The following SMCHD1 variants were observed in gnomAD, a reference collection of about 807,000 sequenced individuals.
SMCHD1 encodes structural maintenance of chromosomes flexible hinge domain containing 1.
A neutral mutation model predicts 254.7 loss-of-function variants in SMCHD1; 78 were observed. That is an observed-to-expected ratio of 0.31 (90% CI 0.26 to 0.37). The LOEUF is 0.37. Among genes scored for constraint, SMCHD1 ranks in the 10% least tolerant of loss-of-function variants. The pLI is 1.00. For missense variants in SMCHD1, 1,840 were observed against 2,408.1 expected (o/e 0.76, Z 4.94); for synonymous variants, 766 against 794.9 (o/e 0.96, Z 0.61).
At chr18:2,741,294 A>G (rs1056852807) in intron 28 of SMCHD1, among the ~76,000 whole-genome samples, 22 of 152,206 alleles carry the variant, frequency 1.4e-4, no homozygotes, top group Admixed American at 1.4e-3. Context: ...ACAAACAAGC[A>G]TGCTGTACTC....
At chr18:2,709,246 A>ATATATATATATATATATATGTATG (rs759808617) in intron 17 of SMCHD1, among the ~76,000 whole-genome samples, 2 of 107,450 alleles carry the variant, frequency 1.9e-5, no homozygotes, top group African/African-American at 3.0e-5. Flanking sequence ...ATATATATAT[A>ATATATATATATATATATATGTATG]TATACACACA....
Position 2,804,960 on chromosome 18 carries a change from C to T in SMCHD1, c.*2408C>T, listed in dbSNP as rs2076421013. On this transcript the variant is annotated 3_prime_UTR_variant, in exon 48 of 48. Coordinates refer to ENST00000320876, the MANE Select transcript of SMCHD1 (RefSeq NM_015295.3). ...TTCTTCTTCCAAAGGAAAATAATAG[C>T]CTACTTGTATTTTGAAGTAACTGAA... is the stretch of plus-strand genomic sequence containing the variant. The T allele has an allele frequency of 6.6e-6, 1 of 152,070 alleles. No homozygotes were observed. Among genetic ancestry groups the T allele is most frequent in the South Asian group, 2.1e-4 (1 of 4,822 alleles). The allele number at this position is 152,070 out of a possible 1,614,324, so 9.4% of individuals were successfully genotyped here.
intron 43 of SMCHD1, 101 bp downstream of exon 43, chr18:2,778,016 ATCAG>A (rs2076095250): frequency 9.8e-7 from 1 of 1,020,630 alleles, no homozygotes; most frequent in Non-Finnish European, 1.4e-6. Flanking sequence ...TATTTTGCTT[ATCAG>A]TCATAGTTTT....
In SMCHD1 at chr18:2,804,533, T is replaced by C. The variant is rs1020389542; in HGVS notation, c.*1981T>C. ...TTATAATACCAGAAAGAATGTTCTA[T>C]CAGTAAAAGAAGGTTTTTAAGTATG... On this transcript the variant is annotated 3_prime_UTR_variant, in exon 48 of 48. Coordinates refer to ENST00000320876, the MANE Select transcript of SMCHD1 (RefSeq NM_015295.3). The C allele has an allele frequency of 8.0e-5, 2 of 24,918 alleles. No individual in the cohort carries two copies. The highest frequency in any genetic ancestry group is 2.4e-4 in the African/African-American group (2 of 8,168). 1.5% of individuals were successfully genotyped at this position (24,918 alleles called of 1,614,324 possible). A position where few individuals can be genotyped will look rare whatever the true frequency, so the allele number is the denominator to read the frequency against.
At chr18:2,748,970 T>G (rs1169215264) in intron 30 of SMCHD1, among the ~76,000 whole-genome samples, 1 of 152,228 alleles carries the variant, frequency 6.6e-6, no homozygotes, top group Non-Finnish European at 1.5e-5. Flanking sequence ...GTATGGAAGA[T>G]TAAAGTGCCA....
chr18:2,785,240 ATAAT>A (rs897929793), intron 45 of SMCHD1, among the ~76,000 whole-genome samples: 9 of 152,236 alleles, frequency 5.9e-5, no homozygotes, highest in Non-Finnish European at 1.0e-4. Flanking sequence ...CTTAATTTAT[ATAAT>A]TAATTCTGAT....
In SMCHD1 at chr18:2,655,872, G is replaced by A. The variant is rs971675857; in HGVS notation, c.-204G>A. 3.4e-4 allele frequency: 125 copies of A among 370,080 alleles called. No homozygotes were observed. The highest frequency in any genetic ancestry group is 5.6e-4 in the Non-Finnish European group (117 of 209,332). The allele number at this position is 370,080 out of a possible 1,614,324, so 22.9% of individuals were successfully genotyped here. ...GGCCGCGGAAGTGACGTGGTGCACGGGCAGGAGCGCGTTTGAATCGGTTCC... is the reference window on the plus strand; with the variant it reads ...GGCCGCGGAAGTGACGTGGTGCACGAGCAGGAGCGCGTTTGAATCGGTTCC... On this transcript the variant is annotated 5_prime_UTR_variant, in exon 1 of 48. Coordinates refer to ENST00000320876, the MANE Select transcript of SMCHD1 (RefSeq NM_015295.3).
At chr18:2,725,564 A>G (rs183015611) in intron 21 of SMCHD1, among the ~76,000 whole-genome samples, 6 of 152,094 alleles carry the variant, frequency 3.9e-5, no homozygotes, top group Admixed American at 3.9e-4. Flanking sequence ...AAAGCAGCTA[A>G]TAGACTTAAC....
Position 2,719,217 on chromosome 18 carries a change from G to GTTCCT in SMCHD1, c.2458+792_2458+796dup, listed in dbSNP as rs200291750. ...TTCTTTTTCTCTCCTTTTCTTTTCT[G>GTTCCT]TTCCTTTCCTTTCTTTTCTTTTCTT... On this transcript the variant is annotated intron_variant, in intron 19 of 47. Transcript: ENST00000320876. Among the ~76,000 whole-genome samples, 132 of 150,074 alleles carry GTTCCT rather than the reference G, an allele frequency of 8.8e-4. 2 individuals are homozygous for GTTCCT. In the East Asian group the frequency reaches 0.023, roughly 26 times the overall value.
At chr18:2,793,582 G>A (rs951785215) in intron 45 of SMCHD1, among the ~76,000 whole-genome samples, 2 of 150,680 alleles carry the variant, frequency 1.3e-5, no homozygotes, top group African/African-American at 4.9e-5. Context: ...GGAGAATGGC[G>A]TGAACCCGGG....
At chr18:2,768,468 CTT>C (rs1961960717) in intron 37 of SMCHD1, among the ~76,000 whole-genome samples, 1 of 151,902 alleles carries the variant, frequency 6.6e-6, no homozygotes, top group Non-Finnish European at 1.5e-5. Flanking sequence ...TTAAAATAAA[CTT>C]ATACTTCTCA....
At chr18:2,760,055 T>G (rs2075759625) in intron 34 of SMCHD1, among the ~76,000 whole-genome samples, 1 of 152,160 alleles carries the variant, frequency 6.6e-6, no homozygotes. Flanking sequence ...ATGAATGACA[T>G]GCAAAAGCTA....
At chr18:2,780,301 A>G (rs1408901347) in intron 44 of SMCHD1, among the ~76,000 whole-genome samples, 3 of 151,536 alleles carry the variant, frequency 2.0e-5, no homozygotes, top group East Asian at 2.0e-4. Flanking sequence ...TAGGAAAACT[A>G]AATTACTGGG....
intron 29 of SMCHD1, among the ~76,000 whole-genome samples, chr18:2,745,191 T>A (rs887515325): frequency 2.0e-5 from 3 of 152,200 alleles, no homozygotes; most frequent in Non-Finnish European, 4.4e-5. Flanking sequence ...CAAGTTTTAT[T>A]TATTTTTAAT....
Position 2,771,586 on chromosome 18 carries a change from A to G in SMCHD1, c.5020A>G (p.Ile1674Val), listed in dbSNP as rs1253935088. The change falls in exon 40 of 48, where the codon ATA becomes GTA. Residue 1674 changes from isoleucine (I) to valine (V), a missense_variant. This residue lies in a region of SMCHD1 where 881 missense variants were observed against 1,009.5 expected (regional missense o/e 0.87). Transcript: ENST00000320876. ...KEAQLRNELK[I>V]HNIDIPTTQQ... is the part of the protein sequence containing the mutation. ...GGCCCAATTGCGAAATGAACTAAAA[A>G]TACATAATATTGACATTCCTACAAC... 1.9e-6 allele frequency: 3 copies of G among 1,569,176 alleles called. No homozygotes were observed. In the African/African-American group the frequency reaches 4.2e-5, roughly 22 times the overall value.
intron 3 of SMCHD1, among the ~76,000 whole-genome samples, chr18:2,667,464 C>G (rs907451914): frequency 5.3e-5 from 8 of 152,142 alleles, no homozygotes; most frequent in African/African-American, 1.9e-4. Context: ...TTACTACTTG[C>G]TAGTTTCTGT....
chr18:2,778,012 G>C (rs1568370351), intron 43 of SMCHD1, 97 bp downstream of exon 43: 1 of 1,014,812 alleles, frequency 9.9e-7, no homozygotes, highest in South Asian at 1.7e-5. Flanking sequence ...TTCTTATTTT[G>C]CTTATCAGTC....
At chr18:2,724,525 A>G (rs2143420966) in intron 20 of SMCHD1, among the ~76,000 whole-genome samples, 1 of 152,256 alleles carries the variant, frequency 6.6e-6, no homozygotes, top group South Asian at 2.1e-4. Context: ...ATTCATGGTA[A>G]ATGCTGAGGA....
intron 5 of SMCHD1, among the ~76,000 whole-genome samples, chr18:2,678,347 C>G (rs1327615090): frequency 1.4e-5 from 2 of 146,438 alleles, no homozygotes; most frequent in African/African-American, 2.5e-5. Flanking sequence ...GTTGCCCAGG[C>G]TGGAGTGCAA....
Sources: allele counts gnomAD v4.1 joint callset (sites outside exome capture counted in the v4.1 genomes callset), GRCh38; gene constraint gnomAD v4.1.1; regional missense constraint gnomAD v4.1.1; transcripts MANE v1.5; gene names NCBI Gene and HGNC (gene_info 2026-07-23, HGNC 2026-07-21).